AGBL4: variants seen among roughly 807,000 people sequenced by gnomAD.
AGBL4 encodes cytosolic carboxypeptidase 6.
AGBL4 carries 58 observed loss-of-function variants against 66.4 expected under a neutral mutation model. That is an observed-to-expected ratio of 0.87 (90% CI 0.71 to 1.09). AGBL4 has a LOEUF of 1.09. Among genes scored for constraint, AGBL4 ranks in the 50% least tolerant of loss-of-function variants. The pLI, the probability that AGBL4 is intolerant of heterozygous loss-of-function variation, is 0.00. For missense variants in AGBL4, 579 were observed against 631.0 expected (o/e 0.92, Z 0.88); for synonymous variants, 234 against 222.9 (o/e 1.05, Z -0.44).
chr1:49,935,552 T>A (rs974845568), intron 1 of AGBL4, among the ~76,000 whole-genome samples: 2 of 152,200 alleles, frequency 1.3e-5, no homozygotes, highest in African/African-American at 4.8e-5. Flanking sequence ...CCCTAACCCC[T>A]GACCCCTGAG....
At chr1:49,507,292 T>G (rs1266949352) in intron 3 of AGBL4, among the ~76,000 whole-genome samples, 1 of 151,926 alleles carries the variant, frequency 6.6e-6, no homozygotes, top group Non-Finnish European at 1.5e-5. Flanking sequence ...ATTCCAGTCC[T>G]GGCTATATCT....
intron 4 of AGBL4, among the ~76,000 whole-genome samples, chr1:49,055,776 CTTATT>C (rs2147898409): frequency 6.6e-6 from 1 of 152,038 alleles, no homozygotes; most frequent in African/African-American, 2.4e-5. Flanking sequence ...GCCTATTAAT[CTTATT>C]TTTAGATTAA....
intron 1 of AGBL4, among the ~76,000 whole-genome samples, chr1:49,992,927 C>T (rs930622094): frequency 3.9e-5 from 6 of 152,160 alleles, no homozygotes; most frequent in South Asian, 4.1e-4. Context: ...AGACGGCTCA[C>T]GTTTTCTTTT....
At chr1:49,834,460 G>C (rs1645790402) in intron 2 of AGBL4, among the ~76,000 whole-genome samples, 1 of 152,064 alleles carries the variant, frequency 6.6e-6, no homozygotes, top group Non-Finnish European at 1.5e-5. Context: ...GTGTCTATTT[G>C]ATTCGTCTTG....
At chr1:49,683,398 A>ATAG (rs1474298265) in intron 3 of AGBL4, among the ~76,000 whole-genome samples, 2 of 152,210 alleles carry the variant, frequency 1.3e-5, no homozygotes, top group African/African-American at 4.8e-5. Flanking sequence ...AGTAATAATA[A>ATAG]TAGTAGCTAA....
chr1:49,057,972 T>C lies in AGBL4; in HGVS notation c.378-12172A>G, dbSNP rs917098190. On this transcript the variant is annotated intron_variant, in intron 4 of 13. Coordinates refer to ENST00000371839, the MANE Select transcript of AGBL4 (RefSeq NM_032785.4). ...TGCCCTGACATTTCTAGGTCCATGA[T>C]TGGCTAGAGGGTTTCTTGCAGAGCT... Among the ~76,000 whole-genome samples the C allele has an allele frequency of 2.6e-5, 4 of 152,220 alleles. No homozygotes were observed. The South Asian group carries it at 6.2e-4, about 24-fold the overall frequency.
intron 3 of AGBL4, among the ~76,000 whole-genome samples, chr1:49,445,074 G>T (rs919913105): frequency 6.6e-6 from 1 of 151,100 alleles, no homozygotes; most frequent in Non-Finnish European, 1.5e-5. Context: ...TTCATCATTT[G>T]CTTGTCTGAG....
intron 5 of AGBL4, among the ~76,000 whole-genome samples, chr1:48,961,080 G>GGGGTGTGTGTGT (rs1553130836): frequency 1.3e-5 from 2 of 148,626 alleles, no homozygotes; most frequent in Admixed American, 1.3e-4. Context: ...CCCAGTCTGG[G>GGGGTGTGTGTGT]GTGTGTGTGT....
At chr1:49,819,766 G>A (rs775411892) in intron 2 of AGBL4, among the ~76,000 whole-genome samples, 2 of 151,950 alleles carry the variant, frequency 1.3e-5, no homozygotes, top group African/African-American at 2.4e-5. Flanking sequence ...GGAGGTTTGC[G>A]TGGCAATAAA....
intron 2 of AGBL4, among the ~76,000 whole-genome samples, chr1:49,758,712 C>CTTT (rs34268542): frequency 6.8e-6 from 1 of 147,502 alleles, no homozygotes; most frequent in African/African-American, 2.5e-5. Context: ...CTGTAACTAG[C>CTTT]TTTTTTTTTT....
chr1:49,340,854 C>T (rs1645525275), intron 3 of AGBL4, among the ~76,000 whole-genome samples: 1 of 152,174 alleles, frequency 6.6e-6, no homozygotes, highest in Non-Finnish European at 1.5e-5. Flanking sequence ...AGGAAATCTC[C>T]TGATGTCCCA....
chr1:49,643,699 A>G (rs1281768144), intron 3 of AGBL4, among the ~76,000 whole-genome samples: 1 of 151,708 alleles, frequency 6.6e-6, no homozygotes, highest in African/African-American at 2.4e-5. Flanking sequence ...CTGAAAGAGA[A>G]CATTTTCAAC....
At chr1:49,555,052 G>A (rs559506041) in intron 3 of AGBL4, among the ~76,000 whole-genome samples, 8 of 152,184 alleles carry the variant, frequency 5.3e-5, no homozygotes, top group African/African-American at 1.4e-4. Flanking sequence ...AAGGGGAACC[G>A]AGTGGGTTGC....
chr1:49,429,159 TC>T (rs1174618082), intron 3 of AGBL4, among the ~76,000 whole-genome samples: 2 of 152,214 alleles, frequency 1.3e-5, no homozygotes, highest in Non-Finnish European at 1.5e-5. Context: ...ACCAAACTGT[TC>T]CTTTAAAGAG....
At chr1:49,992,051 A>T (rs1260107872) in intron 1 of AGBL4, among the ~76,000 whole-genome samples, 1 of 152,218 alleles carries the variant, frequency 6.6e-6, no homozygotes, top group Non-Finnish European at 1.5e-5. Flanking sequence ...CTCTTCCTTC[A>T]TCACAACCAG....
intron 1 of AGBL4, among the ~76,000 whole-genome samples, chr1:50,006,427 G>T (rs1661138206): frequency 6.6e-6 from 1 of 151,322 alleles, no homozygotes; most frequent in South Asian, 2.1e-4. Context: ...CTCAGAGAAA[G>T]ATATCAATAT....
chr1:48,629,638 G>C (rs1451164819), intron 9 of AGBL4, among the ~76,000 whole-genome samples: 1 of 152,110 alleles, frequency 6.6e-6, no homozygotes, highest in South Asian at 2.1e-4. Flanking sequence ...ATTTCAGTGG[G>C]GGGTAAAATG....
At chr1:48,711,561 G>A (rs988799023) in intron 6 of AGBL4, among the ~76,000 whole-genome samples, 15 of 152,266 alleles carry the variant, frequency 9.9e-5, no homozygotes, top group Admixed American at 9.1e-4. Flanking sequence ...AAGAGCACAC[G>A]GATGGGCTTA....
chr1:49,793,121 T>G (rs898416987), intron 2 of AGBL4, among the ~76,000 whole-genome samples: 2 of 151,988 alleles, frequency 1.3e-5, no homozygotes, highest in Non-Finnish European at 2.9e-5. Context: ...ACCTGATATT[T>G]AAATATTTTT....
Sources: gnomAD v4.1 joint callset for allele counts (sites outside exome capture counted in the v4.1 genomes callset) on GRCh38, gnomAD v4.1.1 for gene constraint, MANE v1.5 for transcripts, NCBI Gene and HGNC (gene_info 2026-07-23, HGNC 2026-07-21) for gene names.